The following RFX3 variants were observed in gnomAD, a reference collection of about 807,000 sequenced individuals.
The protein encoded by RFX3 is regulatory factor X3.
In RFX3, 14 loss-of-function variants were observed where a neutral mutation model predicts 98.6. That is an observed-to-expected ratio of 0.14 (90% confidence interval 0.09 to 0.22). RFX3 has a LOEUF of 0.22. Ranked by LOEUF, RFX3 falls within the 10% of genes least tolerant of loss-of-function variation. RFX3 has a pLI of 1.00. For synonymous variants in RFX3, 383 were observed against 328.4 expected (o/e 1.17, Z -1.80); for missense variants, 639 against 926.9 (o/e 0.69, Z 4.03).
At chr9:3,270,294 G>A (rs1824260705) in intron 11 of RFX3, 77 bp downstream of exon 11, 17 of 1,361,028 alleles carry the variant, frequency 1.2e-5, no homozygotes, top group Non-Finnish European at 1.6e-5. Context: ...ATTCTAGATT[G>A]CAATGTCACT....
chr9:3,511,538 CCTTT>C (rs1817665921), intron 1 of RFX3, among the ~76,000 whole-genome samples: 1 of 152,020 alleles, frequency 6.6e-6, no homozygotes, highest in South Asian at 2.1e-4. Flanking sequence ...GATGTCTCTT[CCTTT>C]ATGTTCTATT....
intron 3 of RFX3, chr9:3,344,994 C>A: frequency 1.7e-6 from 1 of 586,934 alleles, no homozygotes; most frequent in Non-Finnish European, 3.0e-6. Context: ...TGCCAATCAC[C>A]TAAGCAAATG....
chr9:3,398,492 A>ATCATC (rs1159780775), intron 1 of RFX3, among the ~76,000 whole-genome samples: 1 of 152,216 alleles, frequency 6.6e-6, no homozygotes, highest in East Asian at 1.9e-4. Flanking sequence ...GACATTAGAT[A>ATCATC]TCATCTTCTG....
intron 1 of RFX3, among the ~76,000 whole-genome samples, chr9:3,429,504 G>A (rs1169746318): frequency 6.6e-6 from 1 of 151,802 alleles, no homozygotes; most frequent in Non-Finnish European, 1.5e-5. Flanking sequence ...AGAAACCTCA[G>A]TTTCTCATAA....
chr9:3,359,617 G>GT (rs1402149048), intron 2 of RFX3, among the ~76,000 whole-genome samples: 2 of 151,966 alleles, frequency 1.3e-5, no homozygotes, highest in Non-Finnish European at 2.9e-5. Flanking sequence ...ATATTTGTTG[G>GT]TATGTTCCCA....
intron 1 of RFX3, among the ~76,000 whole-genome samples, chr9:3,520,171 G>GGT (rs1818565849): frequency 6.6e-6 from 1 of 152,116 alleles, no homozygotes. Flanking sequence ...TATTTTTAAA[G>GGT]AAAAATGCCT....
At chr9:3,461,148 T>C (rs1397546498) in intron 1 of RFX3, among the ~76,000 whole-genome samples, 1 of 151,438 alleles carries the variant, frequency 6.6e-6, no homozygotes, top group Non-Finnish European at 1.5e-5. Context: ...ATGTAGCAAA[T>C]GTTTATAAAG....
chr9:3,396,277 G>C (rs180703747), intron 1 of RFX3, among the ~76,000 whole-genome samples: 2 of 151,956 alleles, frequency 1.3e-5, no homozygotes. Flanking sequence ...ACCTATGAGT[G>C]AGAACATGCG....
chr9:3,254,874 T>C (rs1014647467), intron 14 of RFX3, among the ~76,000 whole-genome samples: 5 of 152,188 alleles, frequency 3.3e-5, no homozygotes, highest in African/African-American at 1.2e-4. Context: ...GATCCAAACC[T>C]AGCACTGGCT....
chr9:3,398,931 A>AAAT (rs1841196807), intron 1 of RFX3, among the ~76,000 whole-genome samples: 1 of 148,846 alleles, frequency 6.7e-6, no homozygotes, highest in African/African-American at 2.5e-5. Context: ...AAAAAAAAAA[A>AAAT]AAAAAAAAAA....
chr9:3,336,293 C>A (rs1833167796), intron 3 of RFX3, among the ~76,000 whole-genome samples: 1 of 151,784 alleles, frequency 6.6e-6, no homozygotes, highest in African/African-American at 2.4e-5. Context: ...ATAAAAGGAA[C>A]AACACAGACA....
intron 2 of RFX3, among the ~76,000 whole-genome samples, chr9:3,391,212 A>T (rs1840275910): frequency 6.6e-6 from 1 of 152,160 alleles, no homozygotes. Flanking sequence ...CATTATAGGC[A>T]TGTCAGAGGA....
chr9:3,289,356 T>C (rs1446977816), intron 6 of RFX3, among the ~76,000 whole-genome samples: 2 of 152,136 alleles, frequency 1.3e-5, no homozygotes, highest in Non-Finnish European at 2.9e-5. Flanking sequence ...AATACCTACA[T>C]GCTTTCAGCA....
chr9:3,485,941 G>A (rs930092814), intron 1 of RFX3, among the ~76,000 whole-genome samples: 1 of 151,568 alleles, frequency 6.6e-6, no homozygotes, highest in Non-Finnish European at 1.5e-5. Flanking sequence ...CCTGACCAAC[G>A]TGGAGAAACC....
intron 2 of RFX3, among the ~76,000 whole-genome samples, chr9:3,351,849 T>C (rs767448177): frequency 2.0e-5 from 3 of 151,954 alleles, no homozygotes; most frequent in Non-Finnish European, 2.9e-5. Context: ...ATATAGTTAG[T>C]AGTAATATAA....
chr9:3,492,365 G>A (rs541731660), intron 1 of RFX3, among the ~76,000 whole-genome samples: 11 of 152,302 alleles, frequency 7.2e-5, no homozygotes, highest in Admixed American at 5.2e-4. Flanking sequence ...AGACTCAGGC[G>A]AGAGGGCCCA....
At chr9:3,329,326 T>A (rs1165731584) in intron 4 of RFX3, among the ~76,000 whole-genome samples, 2 of 144,974 alleles carry the variant, frequency 1.4e-5, no homozygotes, top group African/African-American at 5.2e-5. Context: ...GAGAATCACT[T>A]GAACCCAGAA....
At chr9:3,482,858 G>GA (rs1010422969) in intron 1 of RFX3, among the ~76,000 whole-genome samples, 12 of 149,494 alleles carry the variant, frequency 8.0e-5, no homozygotes, top group South Asian at 2.1e-4. Flanking sequence ...TTCTGTAACT[G>GA]AAAAAAAAAA....
At chr9:3,491,255 G>A (rs1850695372) in intron 1 of RFX3, among the ~76,000 whole-genome samples, 1 of 151,992 alleles carries the variant, frequency 6.6e-6, no homozygotes, top group Admixed American at 6.5e-5. Context: ...AACAATCACA[G>A]GTGTTTGCTG....
Sources: allele counts gnomAD v4.1 joint callset (sites outside exome capture counted in the v4.1 genomes callset), GRCh38; gene constraint gnomAD v4.1.1; transcripts MANE v1.5; gene names NCBI Gene and HGNC (gene_info 2026-07-23, HGNC 2026-07-21).